Variants in COP1 observed in about 807,000 individuals in gnomAD.
The protein encoded by COP1 is E3 ubiquitin-protein ligase COP1.
A neutral mutation model predicts 101.3 loss-of-function variants in COP1; 24 were observed. The observed-to-expected ratio is 0.24, with a 90% CI of 0.17 to 0.33. COP1 has a LOEUF of 0.33. COP1 is among the 10% of genes least tolerant of loss of function. COP1 has a pLI of 1.00. For synonymous variants in COP1, 347 were observed against 341.9 expected, an observed-to-expected ratio of 1.01 and a Z score of -0.17; for missense variants, 663 against 906.2, an observed-to-expected ratio of 0.73 and a Z score of 3.45.
chr1:176,182,474 A>G (rs551847736), intron 2 of COP1, among the ~76,000 whole-genome samples: 77 of 152,332 alleles, frequency 5.1e-4, no homozygotes, highest in South Asian at 8.3e-4. Flanking sequence ...AACCCCAGAG[A>G]TGGGCAGGGG....
chr1:176,121,293 G>A (rs1037816291), intron 8 of COP1, among the ~76,000 whole-genome samples: 12 of 151,840 alleles, frequency 7.9e-5, no homozygotes, highest in African/African-American at 2.7e-4. Context: ...AACCAAAATT[G>A]TTGTGGCCCC....
In COP1 at chr1:176,043,764, T is replaced by C. The variant is rs778507524; in HGVS notation, c.1476A>G (p.Glu492=). The part of the protein sequence containing the change: ...HKNLLASSDY[E]GTVILWDGFT... ...ATCCATCCCATAAAATAACAGTGCCTTCATAATCACTGCTAGCTAACAGGT... is the reference window on the plus strand; with the variant it reads ...ATCCATCCCATAAAATAACAGTGCCCTCATAATCACTGCTAGCTAACAGGT... The change falls in exon 13 of 20, where the codon GAA becomes GAG. Residue 492 remains glutamate (E), a synonymous_variant. Transcript: ENST00000367669. 1 of 1,612,380 alleles carries C rather than the reference T, an allele frequency of 6.2e-7. No homozygotes were observed. Among genetic ancestry groups the C allele is most frequent in the East Asian group, 2.2e-5 (1 of 44,762 alleles).
rs377457784 is a variant in COP1, at chr1:176,027,555, C to T, written c.1729+17G>A. 1 of 1,441,134 alleles carries T rather than the reference C, an allele frequency of 6.9e-7. No homozygotes were observed. Among genetic ancestry groups the T allele is most frequent in the Non-Finnish European group, 9.8e-7 (1 of 1,023,320 alleles). 89.3% of individuals were successfully genotyped at this position (1,441,134 alleles called of 1,614,324 possible). ...TAACCAACATCAAAGGAAGACAAATCTGCTTTCATTTCTTACCTGCACAGC... is the reference window on the plus strand; with the variant it reads ...TAACCAACATCAAAGGAAGACAAATTTGCTTTCATTTCTTACCTGCACAGC... On this transcript the variant is annotated intron_variant, in intron 15 of 19. Transcript: ENST00000367669.
intron 11 of COP1, among the ~76,000 whole-genome samples, chr1:176,055,176 G>A (rs928216866): frequency 6.6e-6 from 1 of 152,376 alleles, no homozygotes. Context: ...GCTCAAGCCT[G>A]TAATCCCATC....
intron 11 of COP1, among the ~76,000 whole-genome samples, chr1:176,076,413 C>A (rs1248492356): frequency 6.6e-6 from 1 of 152,104 alleles, no homozygotes; most frequent in Non-Finnish European, 1.5e-5. Flanking sequence ...TAACAAAATT[C>A]TTTGAAATTA....
Position 176,007,813 on chromosome 1 carries a change from T to C in COP1, c.1730-18334A>G, listed in dbSNP as rs374254423. Among the ~76,000 whole-genome samples, 18 of 152,178 alleles carry C rather than the reference T, an allele frequency of 1.2e-4. 1 individual carries two copies. The highest frequency in any genetic ancestry group is 3.6e-4 in the African/African-American group (15 of 41,556). On this transcript the variant is annotated intron_variant, in intron 15 of 19. Coordinates refer to ENST00000367669, the MANE Select transcript of COP1 (RefSeq NM_022457.7). ...TGTCTTTTTGTTTGTGTGTGCCCTG[T>C]CCCCAGAGGTGGAGCCTACAGAGGC... is the stretch of plus-strand genomic sequence containing the variant.
rs570718971 is a variant in COP1 at position 176,005,670 on chromosome 1, G to T, written c.1730-16191C>A. 9.8e-4 allele frequency among the ~76,000 whole-genome samples: 150 copies of T among 152,296 alleles called. 1 individual carries two copies. Among genetic ancestry groups the T allele is most frequent in the Non-Finnish European group, 1.4e-3 (95 of 68,032 alleles). ...CATGAAGTTGAGCGGTTTTGAGTGA[G>T]ATTCTTAATCCTGAGTTCTAGTTTG... On this transcript the variant is annotated intron_variant, in intron 15 of 19. Coordinates refer to ENST00000367669, the MANE Select transcript of COP1 (RefSeq NM_022457.7).
At chr1:176,041,701 C>T (rs905687372) in intron 14 of COP1, among the ~76,000 whole-genome samples, 24 of 152,140 alleles carry the variant, frequency 1.6e-4, no homozygotes, top group African/African-American at 5.3e-4. Flanking sequence ...CATGGTGGCT[C>T]ACACCGGTAA....
At chr1:176,120,762 G>A (rs1686982620) in intron 8 of COP1, among the ~76,000 whole-genome samples, 1 of 152,164 alleles carries the variant, frequency 6.6e-6, no homozygotes, top group Admixed American at 6.5e-5. Flanking sequence ...ATACCATAAT[G>A]AAGAGGTAGC....
At position 176,043,213 on chromosome 1, in the gene COP1, A is replaced by G. The variant is rs778308354; in HGVS notation, c.1585T>C (p.Leu529=). 1.2e-6 allele frequency: 2 copies of G among 1,613,154 alleles called. No individual in the cohort carries two copies. Among genetic ancestry groups the G allele is most frequent in the East Asian group, 2.2e-5 (1 of 44,868 alleles). The stretch of plus-strand genomic sequence containing the variant: ...TTTGCATCATCAGAACCTGAAGCCA[A>G]GAGTTTAGGATCCATCAAATTAAAG... ...VDFNLMDPKL[L]ASGSDDAKVK... Residue 529 remains leucine (L), a synonymous_variant, in exon 14 of 20, where the codon TTG becomes CTG. Coordinates refer to ENST00000367669, the MANE Select transcript of COP1 (RefSeq NM_022457.7).
chr1:175,985,748 C>CAA (rs894575144), intron 18 of COP1, among the ~76,000 whole-genome samples: 1 of 152,148 alleles, frequency 6.6e-6, no homozygotes. Context: ...AAAATACATA[C>CAA]ATTTGGTCCT....
At chr1:176,060,815 G>A (rs544854001) in intron 11 of COP1, among the ~76,000 whole-genome samples, 1 of 152,144 alleles carries the variant, frequency 6.6e-6, no homozygotes, top group African/African-American at 2.4e-5. Context: ...TAACACAGCA[G>A]ACTTAAAAAA....
chr1:176,162,621 C>G (rs572130799), intron 5 of COP1, among the ~76,000 whole-genome samples: 6 of 152,224 alleles, frequency 3.9e-5, no homozygotes, highest in African/African-American at 1.2e-4. Context: ...TTTACTTTCT[C>G]AAGATTTTGA....
At chr1:176,001,702 T>A (rs1661645630) in intron 15 of COP1, among the ~76,000 whole-genome samples, 1 of 152,156 alleles carries the variant, frequency 6.6e-6, no homozygotes, top group Admixed American at 6.6e-5. Context: ...TTCTCTTTAC[T>A]ACTTTGTGGA....
At chr1:176,144,561 C>T (rs575396453) in intron 6 of COP1, among the ~76,000 whole-genome samples, 11 of 152,184 alleles carry the variant, frequency 7.2e-5, no homozygotes, top group East Asian at 3.9e-4. Flanking sequence ...ACCATGGAAA[C>T]GTACTAGCTG....
At chr1:175,998,317 G>A (rs959393063) in intron 15 of COP1, among the ~76,000 whole-genome samples, 3 of 151,312 alleles carry the variant, frequency 2.0e-5, no homozygotes, top group Admixed American at 6.6e-5. Flanking sequence ...GTTGTGGGGT[G>A]GGGGGAGAGG....
chr1:176,201,235 A>C (rs1328672765), intron 1 of COP1, among the ~76,000 whole-genome samples: 1 of 152,188 alleles, frequency 6.6e-6, no homozygotes, highest in Non-Finnish European at 1.5e-5. Flanking sequence ...TTCTGGTCTC[A>C]AGCACTTCAG....
At chr1:176,204,995 G>C (rs1423000978) in intron 1 of COP1, among the ~76,000 whole-genome samples, 1 of 152,136 alleles carries the variant, frequency 6.6e-6, no homozygotes, top group Non-Finnish European at 1.5e-5. Context: ...GCAGTGCACT[G>C]AACTTCATAT....
At chr1:176,019,596 C>T (rs1466690041) in intron 15 of COP1, among the ~76,000 whole-genome samples, 1 of 150,452 alleles carries the variant, frequency 6.6e-6, no homozygotes. Flanking sequence ...CACGGTGGCT[C>T]ACACCTGCAA....
Sources: gnomAD v4.1 joint callset for allele counts (sites outside exome capture counted in the v4.1 genomes callset) on GRCh38, gnomAD v4.1.1 for gene constraint, MANE v1.5 for transcripts, NCBI Gene and HGNC (gene_info 2026-07-23, HGNC 2026-07-21) for gene names.